Variants in CTNNA2 observed in about 807,000 individuals in gnomAD.
The protein encoded by CTNNA2 is catenin alpha-2.
In CTNNA2, 42 loss-of-function variants were observed where a neutral mutation model predicts 101.0. The observed-to-expected ratio is 0.42, with a 90% CI of 0.32 to 0.54. The LOEUF is 0.54. Among genes scored for constraint, CTNNA2 ranks in the 20% least tolerant of loss-of-function variants. The pLI is 0.14. For synonymous variants in CTNNA2, 450 were observed against 456.4 expected, an observed-to-expected ratio of 0.99 and a Z score of 0.18; for missense variants, 871 against 1,223.1, an observed-to-expected ratio of 0.71 and a Z score of 4.29.
intron 4 of CTNNA2, among the ~76,000 whole-genome samples, chr2:79,453,982 G>T (rs558208624): frequency 6.6e-6 from 1 of 152,070 alleles, no homozygotes; most frequent in South Asian, 2.1e-4. Context: ...TTAAAATATA[G>T]ATTTATTATC....
chr2:79,212,586 C>T (rs12990881), intron 2 of CTNNA2, among the ~76,000 whole-genome samples: 122,437 of 152,028 alleles, frequency 0.81, 49,765 homozygotes, highest in East Asian at 0.99. Flanking sequence ...ACTAAGAGCC[C>T]GAAAAACTGC....
intron 7 of CTNNA2, among the ~76,000 whole-genome samples, chr2:80,255,411 A>G (rs1263788919): frequency 2.0e-5 from 3 of 151,962 alleles, no homozygotes; most frequent in Non-Finnish European, 2.9e-5. Flanking sequence ...TTCAGAAAGA[A>G]TGAAAGAAAA....
chr2:79,749,591 C>T (rs1033013217), intron 3 of CTNNA2, among the ~76,000 whole-genome samples: 4 of 152,144 alleles, frequency 2.6e-5, no homozygotes, highest in Non-Finnish European at 4.4e-5. Flanking sequence ...CTGAGGCACT[C>T]GGCATGGTCC....
intron 7 of CTNNA2, among the ~76,000 whole-genome samples, chr2:79,958,181 T>C (rs1017038613): frequency 6.6e-6 from 1 of 152,174 alleles, no homozygotes; most frequent in Non-Finnish European, 1.5e-5. Flanking sequence ...TTTTCGTTTG[T>C]CTATCAGCCT....
intron 7 of CTNNA2, among the ~76,000 whole-genome samples, chr2:80,345,904 A>T (rs1301284314): frequency 6.6e-6 from 1 of 152,182 alleles, no homozygotes; most frequent in Non-Finnish European, 1.5e-5. Flanking sequence ...TATAAAGCCA[A>T]ACTCTACTAT....
chr2:79,286,053 T>C (rs1675567991), intron 2 of CTNNA2, among the ~76,000 whole-genome samples: 2 of 151,506 alleles, frequency 1.3e-5, no homozygotes, highest in Admixed American at 6.6e-5. Context: ...TAAAGTCTGT[T>C]TTATCAGAGA....
Position 80,099,691 on chromosome 2 carries a change from G to A in CTNNA2, c.1056+189894G>A, listed in dbSNP as rs146256423. On this transcript the variant is annotated intron_variant, in intron 7 of 18. Transcript: ENST00000402739. ...TTTTCAGCAGGTTCATCTAAACTTC[G>A]TATTTCTGGTGCCTCCATTATAGGA... Among the ~76,000 whole-genome samples the A allele has an allele frequency of 1.1e-3, 173 of 150,554 alleles. 1 individual carries two copies. The highest frequency in any genetic ancestry group is 4.1e-3 in the African/African-American group (167 of 40,888).
At chr2:79,710,379 A>G (rs1402449672) in intron 2 of CTNNA2, among the ~76,000 whole-genome samples, 1 of 152,150 alleles carries the variant, frequency 6.6e-6, no homozygotes, top group African/African-American at 2.4e-5. Flanking sequence ...AGTGGCTCAA[A>G]CCTTTATAAG....
At chr2:79,714,152 C>T (rs989562123) in intron 2 of CTNNA2, among the ~76,000 whole-genome samples, 8 of 152,166 alleles carry the variant, frequency 5.3e-5, no homozygotes, top group African/African-American at 1.9e-4. Flanking sequence ...ATGAGTTATA[C>T]ACACTGGACT....
intron 1 of CTNNA2, among the ~76,000 whole-genome samples, chr2:79,531,544 T>C (rs900465268): frequency 6.6e-6 from 1 of 152,056 alleles, no homozygotes; most frequent in African/African-American, 2.4e-5. Flanking sequence ...ATGCCTGCAA[T>C]AATACACAGC....
chr2:79,943,285 A>AGT (rs3979506), intron 7 of CTNNA2, among the ~76,000 whole-genome samples: 33,271 of 152,096 alleles, frequency 0.22, 3,922 homozygotes, highest in East Asian at 0.33. Context: ...TTAAAAAGAA[A>AGT]GTGGATTTTC....
chr2:79,874,934 A>G (rs1682894167), intron 6 of CTNNA2, among the ~76,000 whole-genome samples: 1 of 152,244 alleles, frequency 6.6e-6, no homozygotes, highest in Non-Finnish European at 1.5e-5. Context: ...AAAGGGGCAC[A>G]TGTTATGGGC....
chr2:79,520,725 C>G (rs1479969797), intron 1 of CTNNA2, among the ~76,000 whole-genome samples: 1 of 152,222 alleles, frequency 6.6e-6, no homozygotes, highest in South Asian at 2.1e-4. Flanking sequence ...CTAATGAGCA[C>G]ATGATAACTC....
chr2:80,244,455 T>C (rs1671175804), intron 7 of CTNNA2, among the ~76,000 whole-genome samples: 1 of 152,232 alleles, frequency 6.6e-6, no homozygotes, highest in East Asian at 1.9e-4. Flanking sequence ...AGCCTGGTTC[T>C]AGTCAAGCGT....
intron 1 of CTNNA2, among the ~76,000 whole-genome samples, chr2:79,580,194 T>C (rs1676063545): frequency 6.6e-6 from 1 of 152,154 alleles, no homozygotes; most frequent in African/African-American, 2.4e-5. Context: ...GAGATTGTCC[T>C]GTATTATCTG....
intron 1 of CTNNA2, among the ~76,000 whole-genome samples, chr2:79,531,565 A>G (rs770847673): frequency 1.4e-4 from 22 of 152,276 alleles, no homozygotes; most frequent in Non-Finnish European, 2.8e-4. Flanking sequence ...AGGGTGTCCA[A>G]GGACTTTAGC....
intron 7 of CTNNA2, among the ~76,000 whole-genome samples, chr2:80,124,320 C>A (rs191821757): frequency 4.6e-5 from 7 of 152,146 alleles, no homozygotes; most frequent in Admixed American, 2.0e-4. Flanking sequence ...CAGAACCATA[C>A]CCTTGGGACT....
intron 4 of CTNNA2, among the ~76,000 whole-genome samples, chr2:79,394,341 A>G (rs1240691947): frequency 6.6e-6 from 1 of 152,226 alleles, no homozygotes; most frequent in Non-Finnish European, 1.5e-5. Context: ...ATCAGCTGTG[A>G]ACTTTTGTGG....
intron 3 of CTNNA2, among the ~76,000 whole-genome samples, chr2:79,314,391 G>T (rs1676449100): frequency 1.3e-5 from 2 of 152,190 alleles, no homozygotes; most frequent in Admixed American, 1.3e-4. Flanking sequence ...TAGGTCCATG[G>T]TATCTGGAGG....
Sources: gnomAD v4.1 joint callset for allele counts (sites outside exome capture counted in the v4.1 genomes callset) on GRCh38, gnomAD v4.1.1 for gene constraint, MANE v1.5 for transcripts, NCBI Gene and HGNC (gene_info 2026-07-23, HGNC 2026-07-21) for gene names.